ACSL4: variants seen among roughly 807,000 people sequenced by gnomAD.
ACSL4 encodes the protein long-chain-fatty-acid--CoA ligase 4.
In ACSL4, 9 loss-of-function variants were observed where a neutral mutation model predicts 49.1. That is an observed-to-expected ratio of 0.18 (90% CI 0.11 to 0.32). The LOEUF is 0.32. Among genes scored for constraint, ACSL4 ranks in the 10% least tolerant of loss-of-function variants. The pLI, the probability that ACSL4 is intolerant of heterozygous loss-of-function variation, is 1.00. For missense variants in ACSL4, 333 were observed against 493.7 expected, an observed-to-expected ratio of 0.67 and a Z score of 3.08; for synonymous variants, 191 against 170.3, an observed-to-expected ratio of 1.12 and a Z score of -0.95.
intron 15 of ACSL4, among the ~76,000 whole-genome samples, chrX:109,654,285 T>C (rs1006513219): frequency 9.0e-6 from 1 of 111,149 alleles, no homozygotes; most frequent in South Asian, 3.7e-4. Flanking sequence ...CACCCAAAGA[T>C]AAACTACTCT....
rs185424915 is a variant in ACSL4 at position 109,671,233 on chromosome X, T to C, written c.1003-2060A>G. Among the ~76,000 whole-genome samples, 612 of 108,806 alleles carry C rather than the reference T, an allele frequency of 5.6e-3. 7 individuals are homozygous for C. The highest frequency in any genetic ancestry group is 0.018 in the African/African-American group (526 of 29,710). The allele number at this position is 108,806 out of a possible 115,157, so 94.5% of individuals were successfully genotyped here. Reference sequence around the variant, plus strand: ...TGGGATGTGGGGAGCACCTCTGCCCTGCCGCCCCATCTGAGATGTGAAGAG... The same window carrying C: ...TGGGATGTGGGGAGCACCTCTGCCCCGCCGCCCCATCTGAGATGTGAAGAG... On this transcript the variant is annotated intron_variant, in intron 9 of 15. Coordinates refer to ENST00000672401, the MANE Select transcript of ACSL4 (RefSeq NM_001318510.2).
At position 109,667,050 on chromosome X, in the gene ACSL4, T is replaced by C. The variant is rs771305923; in HGVS notation, c.1315+1051A>G. 2.7e-5 allele frequency among the ~76,000 whole-genome samples: 3 copies of C among 112,744 alleles called. No individual in the cohort carries two copies. In the South Asian group the frequency reaches 1.1e-3, roughly 41 times the overall value. On this transcript the variant is annotated intron_variant, in intron 11 of 15. Transcript: ENST00000672401. ...TTAAAGATATTTTAAAATAAACAGATGACTTCAAAGCTGATACCTGGAATG... is the reference window on the plus strand; with the variant it reads ...TTAAAGATATTTTAAAATAAACAGACGACTTCAAAGCTGATACCTGGAATG...
chrX:109,705,349 C>T (rs1207514711), intron 1 of ACSL4, among the ~76,000 whole-genome samples: 1 of 111,790 alleles, frequency 8.9e-6, no homozygotes, highest in Non-Finnish European at 1.9e-5. Context: ...GTTCTGCTAC[C>T]AGTGACAGAG....
chrX:109,695,162 T>C (rs950258630), intron 2 of ACSL4, among the ~76,000 whole-genome samples: 25 of 109,211 alleles, frequency 2.3e-4, no homozygotes, highest in African/African-American at 8.4e-4. Flanking sequence ...CTGGCCAACA[T>C]GGTGAAACCC....
chrX:109,655,091 T>C (rs1921516504), intron 15 of ACSL4, among the ~76,000 whole-genome samples: 1 of 111,495 alleles, frequency 9.0e-6, no homozygotes, highest in Non-Finnish European at 1.9e-5. Flanking sequence ...AAAAAGACAC[T>C]AACGTTGGAA....
At chrX:109,699,943 C>T (rs750021911) in intron 1 of ACSL4, among the ~76,000 whole-genome samples, 6 of 110,870 alleles carry the variant, frequency 5.4e-5, no homozygotes, top group South Asian at 3.8e-4. Flanking sequence ...GTGAGCCAGA[C>T]GCAGTGGCTC....
chrX:109,667,963 C>A (rs186413776), intron 11 of ACSL4, 138 bp downstream of exon 11: 2 of 459,857 alleles, frequency 4.3e-6, no homozygotes, highest in South Asian at 4.6e-5. Context: ...AATTCATAAA[C>A]CAAAACTACA....
In ACSL4 at chrX:109,713,973, C is replaced by A. The variant is rs774686312; in HGVS notation, c.-65-17777G>T. On this transcript the variant is annotated intron_variant, in intron 1 of 15. Coordinates refer to ENST00000672401, the MANE Select transcript of ACSL4 (RefSeq NM_001318510.2). ...TCAATATTTCTAAAAAGAATGACAC[C>A]TTCTCAAGAAGCACCTCAGGCAGGT... Among the ~76,000 whole-genome samples, 50 of 111,814 alleles carry A rather than the reference C, an allele frequency of 4.5e-4. 1 individual carries two copies. In the South Asian group the frequency reaches 0.018, roughly 39 times the overall value.
At chrX:109,707,073 G>A in intron 1 of ACSL4, among the ~76,000 whole-genome samples, 1 of 112,210 alleles carries the variant, frequency 8.9e-6, no homozygotes, top group East Asian at 2.8e-4. Context: ...CTACATTAGA[G>A]ACTGATAAAA....
At chrX:109,715,800 T>C (rs1927083842) in intron 1 of ACSL4, among the ~76,000 whole-genome samples, 2 of 111,835 alleles carry the variant, frequency 1.8e-5, no homozygotes, top group Admixed American at 1.9e-4. Context: ...AAAGCTTTTC[T>C]GGTAGTAAGT....
intron 1 of ACSL4, among the ~76,000 whole-genome samples, chrX:109,709,499 G>A (rs1251778303): frequency 4.4e-5 from 5 of 112,390 alleles, no homozygotes; most frequent in Non-Finnish European, 9.4e-5. Context: ...TTTTTCTTTC[G>A]AAATGTTTCG....
chrX:109,645,400 C>A (rs1196098491), intron 15 of ACSL4, among the ~76,000 whole-genome samples: 1 of 112,286 alleles, frequency 8.9e-6, no homozygotes, highest in Non-Finnish European at 1.9e-5. Flanking sequence ...AGGCACCCCC[C>A]AGCAGGGGCA....
chrX:109,728,984 G>A lies in ACSL4; in HGVS notation c.-66+4155C>T, dbSNP rs1301088908. On this transcript the variant is annotated intron_variant, in intron 1 of 15. Coordinates refer to ENST00000672401, the MANE Select transcript of ACSL4 (RefSeq NM_001318510.2). The stretch of plus-strand genomic sequence containing the variant: ...CCAGCACTTTGGGAGGCCGAGGCGG[G>A]TGGATCATGAGGTCAGGAGATCGAG... Among the ~76,000 whole-genome samples, 14 of 110,140 alleles carry A rather than the reference G, an allele frequency of 1.3e-4. 3 individuals are homozygous for A. In the South Asian group the frequency reaches 1.6e-3, roughly 12 times the overall value.
At chrX:109,697,864 A>AT (rs1182800000) in intron 1 of ACSL4, among the ~76,000 whole-genome samples, 1 of 110,756 alleles carries the variant, frequency 9.0e-6, no homozygotes, top group Non-Finnish European at 1.9e-5. Context: ...AATGACCAAA[A>AT]AAAAAAACCC....
chrX:109,717,677 G>A (rs1213514992), intron 1 of ACSL4, among the ~76,000 whole-genome samples: 1 of 110,846 alleles, frequency 9.0e-6, no homozygotes, highest in African/African-American at 3.3e-5. Flanking sequence ...GCCGGTAAGA[G>A]CAAGGGAAAA....
chrX:109,714,606 T>C (rs778907393), intron 1 of ACSL4, among the ~76,000 whole-genome samples: 1 of 111,781 alleles, frequency 8.9e-6, no homozygotes, highest in African/African-American at 3.2e-5. Flanking sequence ...TATCATCTTT[T>C]ATACCGTTTT....
At chrX:109,673,289 C>T (rs57762283) in intron 9 of ACSL4, among the ~76,000 whole-genome samples, 2,387 of 111,599 alleles carry the variant, frequency 0.021, 76 homozygotes, top group African/African-American at 0.074. Context: ...AGAGTTCAAA[C>T]TTTGATTCCA....
chrX:109,642,604 C>A lies in ACSL4; in HGVS notation c.*1425G>T, dbSNP rs1449528109. 2 of 110,676 alleles carry A rather than the reference C, an allele frequency of 1.8e-5. No homozygotes were observed. Among genetic ancestry groups the A allele is most frequent in the Non-Finnish European group, 3.8e-5 (2 of 52,722 alleles). 9.1% of individuals were successfully genotyped at this position (110,676 alleles called of 1,213,427 possible). ...ACACACACACACACATATATATATG[C>A]ATATATATAAAAAATGATTAAGAAA... is the stretch of plus-strand genomic sequence containing the variant. On this transcript the variant is annotated 3_prime_UTR_variant, in exon 16 of 16. Transcript: ENST00000672401.
rs1934504285 is a variant in ACSL4, at chrX:109,643,368, A to C, written c.*661T>G. ...AAAAAAGCAGCTCAATTTCCCTTTA[A>C]ATATATTACTAGATATTTTTTGGTG... On this transcript the variant is annotated 3_prime_UTR_variant, in exon 16 of 16. Coordinates refer to ENST00000672401, the MANE Select transcript of ACSL4 (RefSeq NM_001318510.2). The C allele has an allele frequency of 8.9e-6, 1 of 111,799 alleles. No individual in the cohort carries two copies. Among genetic ancestry groups the C allele is most frequent in the African/African-American group, 3.3e-5 (1 of 30,763 alleles). 9.2% of individuals were successfully genotyped at this position (111,799 alleles called of 1,213,427 possible). A position where few individuals can be genotyped will look rare whatever the true frequency, so the allele number is the denominator to read the frequency against.
Sources: allele counts gnomAD v4.1 joint callset (sites outside exome capture counted in the v4.1 genomes callset), GRCh38; gene constraint gnomAD v4.1.1; transcripts MANE v1.5; gene names NCBI Gene and HGNC (gene_info 2026-07-23, HGNC 2026-07-21).